TAFA2: variants seen among roughly 807,000 people sequenced by gnomAD.
TAFA2 encodes chemokine-like protein TAFA-2.
Under a neutral mutation model 18.8 loss-of-function variants are expected in TAFA2, and 7 were observed. The ratio of observed to expected loss-of-function variants is 0.37; its 90% CI spans 0.21 to 0.70. The LOEUF (loss-of-function observed/expected upper bound fraction) is 0.70, where lower values mean the gene tolerates loss of function less well. Ranked by LOEUF, TAFA2 falls within the 30% of genes least tolerant of loss-of-function variation. TAFA2 has a pLI of 0.53. For missense variants in TAFA2, 122 were observed against 158.1 expected, an observed-to-expected ratio of 0.77 and a Z score of 1.23; for synonymous variants, 60 against 54.2, an observed-to-expected ratio of 1.11 and a Z score of -0.47.
At chr12:62,030,751 G>T (rs1476825112) in intron 1 of TAFA2, among the ~76,000 whole-genome samples, 2 of 152,050 alleles carry the variant, frequency 1.3e-5, no homozygotes, top group Non-Finnish European at 2.9e-5. Flanking sequence ...GGAACATGAT[G>T]GGGTGGGACC....
intron 1 of TAFA2, among the ~76,000 whole-genome samples, chr12:62,032,420 G>T (rs1233136542): frequency 6.6e-6 from 1 of 152,066 alleles, no homozygotes; most frequent in Non-Finnish European, 1.5e-5. Context: ...TCTGAGGACT[G>T]TTTTGCAAAT....
intron 4 of TAFA2, among the ~76,000 whole-genome samples, chr12:61,740,303 G>T (rs185990692): frequency 7.4e-4 from 113 of 152,018 alleles, no homozygotes; most frequent in African/African-American, 2.5e-3. Flanking sequence ...ACACAGGGGT[G>T]GGGGGGAATA....
In TAFA2 at chr12:61,936,714, T is replaced by C. The variant is rs116587082; in HGVS notation, c.-1-69288A>G. On this transcript the variant is annotated intron_variant, in intron 1 of 4. Coordinates refer to ENST00000416284, the MANE Select transcript of TAFA2 (RefSeq NM_178539.5). ...ATATGAAAATCCACAGCCAATACAC[T>C]GAATAAAGAAAAGTTGAAACTATTT... Among the ~76,000 whole-genome samples the C allele has an allele frequency of 9.7e-3, 1,470 of 152,094 alleles. 39 individuals are homozygous for C. Among genetic ancestry groups the C allele is most frequent in the African/African-American group, 0.033 (1,383 of 41,482 alleles).
chr12:61,909,128 C>G (rs1280068254), intron 1 of TAFA2, among the ~76,000 whole-genome samples: 1 of 152,142 alleles, frequency 6.6e-6, no homozygotes, highest in African/African-American at 2.4e-5. Context: ...GGGCCCTGCA[C>G]AGGATGAGAA....
intron 1 of TAFA2, among the ~76,000 whole-genome samples, chr12:62,125,953 T>C (rs2136886432): frequency 6.6e-6 from 1 of 152,206 alleles, no homozygotes; most frequent in South Asian, 2.1e-4. Flanking sequence ...ATATAATAAG[T>C]GAATCTGATA....
At chr12:62,073,347 T>C (rs1012765556) in intron 1 of TAFA2, among the ~76,000 whole-genome samples, 1 of 152,104 alleles carries the variant, frequency 6.6e-6, no homozygotes, top group Admixed American at 6.5e-5. Flanking sequence ...ATACTATAGG[T>C]AGGTGTTATT....
At chr12:62,056,235 A>G (rs935876631) in intron 1 of TAFA2, among the ~76,000 whole-genome samples, 5 of 152,328 alleles carry the variant, frequency 3.3e-5, no homozygotes, top group Middle Eastern at 3.4e-3. Context: ...GGCAACCCAC[A>G]CAATAGCTTG....
chr12:62,181,996 C>CCG (rs201356131), intron 1 of TAFA2, among the ~76,000 whole-genome samples: 17 of 148,788 alleles, frequency 1.1e-4, no homozygotes, highest in Admixed American at 8.6e-4. Flanking sequence ...TCCATCCCCC[C>CCG]CCCGCTACAC....
intron 1 of TAFA2, among the ~76,000 whole-genome samples, chr12:61,890,666 T>G: frequency 6.6e-6 from 1 of 152,228 alleles, no homozygotes; most frequent in East Asian, 1.9e-4. Flanking sequence ...TGCCATCTCT[T>G]CAGGCTACAA....
At chr12:61,912,515 G>T (rs1876651070) in intron 1 of TAFA2, among the ~76,000 whole-genome samples, 1 of 152,152 alleles carries the variant, frequency 6.6e-6, no homozygotes, top group Non-Finnish European at 1.5e-5. Context: ...TAGAATAGAA[G>T]TTAAGTCATA....
intron 1 of TAFA2, among the ~76,000 whole-genome samples, chr12:61,904,682 G>T (rs188243865): frequency 1.1e-3 from 173 of 152,154 alleles, no homozygotes; most frequent in Non-Finnish European, 2.0e-3. Context: ...TCAACTAATG[G>T]TCTATGTGGG....
At chr12:61,725,094 C>CT (rs150038534) in intron 4 of TAFA2, among the ~76,000 whole-genome samples, 3,938 of 151,654 alleles carry the variant, frequency 0.026, 165 homozygotes, top group African/African-American at 0.09. Context: ...GTATATCTTT[C>CT]TTTTTTATCT....
chr12:61,931,276 T>C (rs1877543201), intron 1 of TAFA2, among the ~76,000 whole-genome samples: 1 of 152,208 alleles, frequency 6.6e-6, no homozygotes, highest in African/African-American at 2.4e-5. Flanking sequence ...AAATTAAACC[T>C]CATGCTGTAT....
At chr12:61,767,231 G>A (rs1869828261) in intron 2 of TAFA2, among the ~76,000 whole-genome samples, 1 of 152,032 alleles carries the variant, frequency 6.6e-6, no homozygotes, top group African/African-American at 2.4e-5. Flanking sequence ...AACTGGTCAG[G>A]AATATTATTT....
chr12:61,953,041 C>G (rs7957334), intron 1 of TAFA2, among the ~76,000 whole-genome samples: 11,207 of 152,072 alleles, frequency 0.074, 1,339 homozygotes, highest in African/African-American at 0.25. Context: ...TTATCCAAGG[C>G]AAGACTATAA....
At position 61,937,724 on chromosome 12, in the gene TAFA2, A is replaced by G. The variant is rs955318735; in HGVS notation, c.-1-70298T>C. Among the ~76,000 whole-genome samples the G allele has an allele frequency of 2.0e-5, 3 of 152,212 alleles. No homozygotes were observed. In the East Asian group the frequency reaches 5.8e-4, roughly 29 times the overall value. On this transcript the variant is annotated intron_variant, in intron 1 of 4. Transcript: ENST00000416284. ...CATTCTAAAAGAAAACTTAGAAAAA[A>G]TTCTTCTGGACGTTGGCCTAAGCAA...
chr12:61,787,860 A>G (rs539254366), intron 2 of TAFA2, among the ~76,000 whole-genome samples: 116 of 151,812 alleles, frequency 7.6e-4, no homozygotes, highest in Non-Finnish European at 1.4e-3. Flanking sequence ...CCTAGCAATA[A>G]TAACTTGAAT....
At chr12:62,141,902 C>T (rs1373682501) in intron 1 of TAFA2, among the ~76,000 whole-genome samples, 1 of 152,126 alleles carries the variant, frequency 6.6e-6, no homozygotes, top group African/African-American at 2.4e-5. Flanking sequence ...TTGGGAAAAC[C>T]ACAAACAAAA....
At position 61,788,228 on chromosome 12, in the gene TAFA2, A is replaced by C. The variant is rs139576024; in HGVS notation, c.107-33204T>G. ...AGGAAATATCATTAAATCTAAATGG[A>C]GAGACAGACTGCAACACAATAATAA... On this transcript the variant is annotated intron_variant, in intron 2 of 4. Coordinates refer to ENST00000416284, the MANE Select transcript of TAFA2 (RefSeq NM_178539.5). Among the ~76,000 whole-genome samples the C allele has an allele frequency of 3.5e-3, 531 of 151,798 alleles. 1 individual carries two copies. Among genetic ancestry groups the C allele is most frequent in the Non-Finnish European group, 6.3e-3 (426 of 67,764 alleles).
Sources: gnomAD v4.1 joint callset for allele counts (sites outside exome capture counted in the v4.1 genomes callset) on GRCh38, gnomAD v4.1.1 for gene constraint, MANE v1.5 for transcripts, NCBI Gene and HGNC (gene_info 2026-07-23, HGNC 2026-07-21) for gene names.